Variants in PABPC4L observed in about 807,000 individuals in gnomAD.
The protein encoded by PABPC4L is poly(A) binding protein cytoplasmic 4 like.
For synonymous variants in PABPC4L, 169 were observed against 164.1 expected (o/e 1.03, Z -0.23); for missense variants, 452 against 451.4 (o/e 1.00, Z -0.01).
chr4:134,073,087 A>C, the PABPC4L span, among the ~76,000 whole-genome samples: 1 of 152,124 alleles, frequency 6.6e-6, no homozygotes, highest in Non-Finnish European at 1.5e-5. Context: ...TACTTCCAAC[A>C]TTCCCCCAAA....
Position 134,200,424 on chromosome 4 carries a change from C to T in PABPC4L, c.596G>A (p.Gly199Asp), listed in dbSNP as rs1729819203. 3 of 1,553,704 alleles carry T rather than the reference C, an allele frequency of 1.9e-6. No homozygotes were observed. Among genetic ancestry groups the T allele is most frequent in the Non-Finnish European group, 2.6e-6 (3 of 1,147,988 alleles). The change falls in exon 2 of 2, where the codon GGT becomes GAT. Residue 199 changes from glycine to aspartate, a missense_variant. Physicochemically the swap from Gly to Asp is moderately conservative, Grantham distance 94. Coordinates refer to ENST00000421491, the MANE Select transcript of PABPC4L (RefSeq NM_001114734.2). ...FTNVYIKNFG[G>D]DMDDERLKDV... is the part of the protein sequence containing the mutation. The stretch of plus-strand genomic sequence containing the variant: ...CTTCAATCTCTCATCATCCATGTCA[C>T]CTCCAAAGTTTTTTATGTAAACATT...
At chr4:134,196,283 T>C (rs1408735055), downstream of PABPC4L, 3 of 151,598 alleles carry the variant, frequency 2.0e-5, no homozygotes, top group Non-Finnish European at 4.4e-5. Context: ...AACTGGTCTT[T>C]GGAAAATCAG....
the PABPC4L span, chr4:133,977,967 T>A: frequency 6.6e-6 from 1 of 152,356 alleles, no homozygotes; most frequent in Non-Finnish European, 1.5e-5. Context: ...AACACTTACC[T>A]TCTTGCTCAA....
At chr4:134,130,224 A>T in the PABPC4L span, among the ~76,000 whole-genome samples, 1 of 152,124 alleles carries the variant, frequency 6.6e-6, no homozygotes, top group African/African-American at 2.4e-5. Context: ...AACAAATAAA[A>T]GATAAATGAA....
chr4:133,967,669 G>A, the PABPC4L span, among the ~76,000 whole-genome samples: 1 of 152,162 alleles, frequency 6.6e-6, no homozygotes, highest in Non-Finnish European at 1.5e-5. Context: ...ATGCAATGAG[G>A]CGGCAGCATC....
At chr4:134,069,113 C>A in the PABPC4L span, among the ~76,000 whole-genome samples, 1 of 152,060 alleles carries the variant, frequency 6.6e-6, no homozygotes, top group South Asian at 2.1e-4. Context: ...ATATTAAATT[C>A]TTGGTTGGAA....
the PABPC4L span, among the ~76,000 whole-genome samples, chr4:134,152,997 C>A: frequency 1.3e-5 from 2 of 152,138 alleles, no homozygotes; most frequent in South Asian, 2.1e-4. Flanking sequence ...AACTAATAGA[C>A]CAAGAACTCA....
the PABPC4L span, among the ~76,000 whole-genome samples, chr4:134,108,748 C>T: frequency 6.6e-6 from 1 of 151,634 alleles, no homozygotes; most frequent in African/African-American, 2.4e-5. Flanking sequence ...TAACCTAGAC[C>T]CTGATTTTTT....
the PABPC4L span, among the ~76,000 whole-genome samples, chr4:134,024,065 C>CTTGTAGGGT: frequency 3.3e-5 from 5 of 152,120 alleles, no homozygotes; most frequent in African/African-American, 1.2e-4. Flanking sequence ...TTCTTGCATA[C>CTTGTAGGGT]TACGTACAGG....
At chr4:133,991,474 C>T in the PABPC4L span, among the ~76,000 whole-genome samples, 2 of 152,132 alleles carry the variant, frequency 1.3e-5, no homozygotes, top group Admixed American at 1.3e-4. Context: ...CTACATATTC[C>T]AAGGCAGGCT....
the PABPC4L span, among the ~76,000 whole-genome samples, chr4:134,102,412 A>G: frequency 6.6e-6 from 1 of 151,520 alleles, no homozygotes; most frequent in Non-Finnish European, 1.5e-5. Context: ...ATTAAAAAAA[A>G]ATGTTGATGT....
At chr4:133,997,275 A>G in the PABPC4L span, among the ~76,000 whole-genome samples, 16 of 152,220 alleles carry the variant, frequency 1.1e-4, no homozygotes, top group African/African-American at 3.6e-4. Context: ...ACATGTCAAA[A>G]GCCAAGACAG....
At chr4:134,096,451 G>T in the PABPC4L span, among the ~76,000 whole-genome samples, 1 of 151,938 alleles carries the variant, frequency 6.6e-6, no homozygotes, top group Non-Finnish European at 1.5e-5. Flanking sequence ...TCAAACTACA[G>T]TGGGCAAAAT....
At chr4:134,073,496 A>T in the PABPC4L span, among the ~76,000 whole-genome samples, 1 of 152,030 alleles carries the variant, frequency 6.6e-6, no homozygotes, top group Non-Finnish European at 1.5e-5. Flanking sequence ...AGGCTTTTCC[A>T]TGTGCACAGT....
chr4:134,077,799 T>C, the PABPC4L span, among the ~76,000 whole-genome samples: 1 of 152,194 alleles, frequency 6.6e-6, no homozygotes, highest in African/African-American at 2.4e-5. Context: ...ATAAAATCTA[T>C]TTTCACATAA....
the PABPC4L span, among the ~76,000 whole-genome samples, chr4:133,964,620 G>A: frequency 2.8e-4 from 42 of 151,970 alleles, no homozygotes; most frequent in African/African-American, 7.7e-4. Flanking sequence ...ATAACCCACC[G>A]TGATCAAGTG....
At chr4:134,125,272 A>C in the PABPC4L span, among the ~76,000 whole-genome samples, 1 of 151,894 alleles carries the variant, frequency 6.6e-6, no homozygotes. Flanking sequence ...GCCTGCTTTT[A>C]CTTCTGTACA....
the PABPC4L span, among the ~76,000 whole-genome samples, chr4:134,043,309 A>T: frequency 6.6e-6 from 1 of 152,140 alleles, no homozygotes. Flanking sequence ...CTATATGAGG[A>T]CTGTAGTTTT....
chr4:134,172,041 A>T, the PABPC4L span, among the ~76,000 whole-genome samples: 1 of 152,250 alleles, frequency 6.6e-6, no homozygotes, highest in African/African-American at 2.4e-5. Flanking sequence ...GAAAAAAAAC[A>T]TTCCATGCTC....
Sources: allele counts gnomAD v4.1 joint callset (sites outside exome capture counted in the v4.1 genomes callset), GRCh38; gene constraint gnomAD v4.1.1; transcripts MANE v1.5; gene names NCBI Gene and HGNC (gene_info 2026-07-23, HGNC 2026-07-21).